Variants in SLIT1 observed in about 807,000 individuals in gnomAD.
The protein encoded by SLIT1 is slit guidance ligand 1.
Under a neutral mutation model 186.1 loss-of-function variants are expected in SLIT1, and 66 were observed. The observed-to-expected ratio is 0.35, with a 90% confidence interval of 0.29 to 0.44. The LOEUF is 0.44. Among genes scored for constraint, SLIT1 ranks in the 20% least tolerant of loss-of-function variants. The pLI, the probability that SLIT1 is intolerant of heterozygous loss-of-function variation, is 1.00. For missense variants in SLIT1, 1,638 were observed against 2,037.4 expected (o/e 0.80, Z 3.77); for synonymous variants, 761 against 833.8 (o/e 0.91, Z 1.50).
chr10:97,082,957 G>T (rs1849120479), intron 4 of SLIT1, among the ~76,000 whole-genome samples: 1 of 152,152 alleles, frequency 6.6e-6, no homozygotes, highest in Non-Finnish European at 1.5e-5. Context: ...CTGTCACCCA[G>T]GCTGGAGTCC....
Position 97,076,139 on chromosome 10 carries a change from C to T in SLIT1, c.414-10053G>A, listed in dbSNP as rs1488056709. The stretch of plus-strand genomic sequence containing the variant: ...CCCTTCCTGCATTTCTGCCAATTTG[C>T]ATGGAAGATGCCTGAGGGCACGGGT... On this transcript the variant is annotated intron_variant, in intron 4 of 36. Transcript: ENST00000266058. Among the ~76,000 whole-genome samples, 3 of 152,196 alleles carry T rather than the reference C, an allele frequency of 2.0e-5. No homozygotes were observed. In the East Asian group the frequency reaches 5.8e-4, roughly 29 times the overall value.
intron 4 of SLIT1, among the ~76,000 whole-genome samples, chr10:97,094,661 G>A (rs1278769817): frequency 1.3e-5 from 2 of 152,148 alleles, no homozygotes; most frequent in Admixed American, 6.5e-5. Flanking sequence ...GCAGCACTAG[G>A]ACCAGAAATT....
At chr10:97,132,117 C>T (rs1849660359) in intron 4 of SLIT1, among the ~76,000 whole-genome samples, 2 of 152,168 alleles carry the variant, frequency 1.3e-5, no homozygotes, top group Non-Finnish European at 2.9e-5. Flanking sequence ...TGCCCTGGAC[C>T]CCTGGGGTGT....
At chr10:97,067,702 G>A (rs748137821) in intron 4 of SLIT1, among the ~76,000 whole-genome samples, 1 of 152,102 alleles carries the variant, frequency 6.6e-6, no homozygotes, top group Non-Finnish European at 1.5e-5. Flanking sequence ...GGTTGGACCC[G>A]GGCTCCCTGC....
chr10:97,066,677 C>CA (rs1427295428), intron 4 of SLIT1, among the ~76,000 whole-genome samples: 1 of 152,180 alleles, frequency 6.6e-6, no homozygotes, highest in African/African-American at 2.4e-5. Flanking sequence ...TCCCTGAGGC[C>CA]TCCCCAGAAG....
intron 1 of SLIT1, among the ~76,000 whole-genome samples, chr10:97,166,557 A>AG: frequency 1.8e-5 from 1 of 55,192 alleles, no homozygotes; most frequent in East Asian, 7.0e-4. Flanking sequence ...GAAGGAAGGA[A>AG]AGAGAGAGAG....
At chr10:97,128,990 A>G (rs1344526878) in intron 4 of SLIT1, among the ~76,000 whole-genome samples, 1 of 152,134 alleles carries the variant, frequency 6.6e-6, no homozygotes, top group Non-Finnish European at 1.5e-5. Flanking sequence ...GTGGTAGAGG[A>G]GCAAATCCAA....
At chr10:97,120,834 T>A (rs1849554468) in intron 4 of SLIT1, among the ~76,000 whole-genome samples, 1 of 152,168 alleles carries the variant, frequency 6.6e-6, no homozygotes, top group Non-Finnish European at 1.5e-5. Flanking sequence ...TCTGACTCTC[T>A]CTCCCTACCC....
chr10:97,176,819 AC>A (rs752163437), intron 1 of SLIT1, among the ~76,000 whole-genome samples: 246 of 152,268 alleles, frequency 1.6e-3, no homozygotes, highest in Non-Finnish European at 3.0e-3. Context: ...ACGTGTAGCC[AC>A]TGCTCTCCAC....
At chr10:97,046,559 A>G (rs1161697373) in intron 18 of SLIT1, 95 bp downstream of exon 18, 1 of 1,290,932 alleles carries the variant, frequency 7.7e-7, no homozygotes, top group Non-Finnish European at 1.0e-6. Context: ...AGCTGGGCCC[A>G]GGGGAGGGGC....
chr10:97,001,729 A>G (rs1848311852), intron 36 of SLIT1, among the ~76,000 whole-genome samples: 1 of 152,124 alleles, frequency 6.6e-6, no homozygotes, highest in Non-Finnish European at 1.5e-5. Flanking sequence ...GGGTTTCTCC[A>G]GCTTCTCCCT....
At chr10:97,018,250 A>G (rs945420010) in intron 28 of SLIT1, among the ~76,000 whole-genome samples, 1 of 152,182 alleles carries the variant, frequency 6.6e-6, no homozygotes, top group Non-Finnish European at 1.5e-5. Flanking sequence ...AAAGGCCCCC[A>G]TGGCACCTGG....
At chr10:97,080,275 G>A (rs898364893) in intron 4 of SLIT1, among the ~76,000 whole-genome samples, 1 of 152,054 alleles carries the variant, frequency 6.6e-6, no homozygotes, top group Non-Finnish European at 1.5e-5. Context: ...TCTTTATAAA[G>A]GGATGATCAC....
At chr10:97,048,756 T>C (rs73320649) in intron 14 of SLIT1, among the ~76,000 whole-genome samples, 199 bp downstream of exon 14, 2,592 of 151,226 alleles carry the variant, frequency 0.017, 95 homozygotes, top group African/African-American at 0.06. Context: ...GGGAGGCAGG[T>C]AGGTGAACAG....
intron 22 of SLIT1, among the ~76,000 whole-genome samples, chr10:97,036,770 G>C (rs1848641915): frequency 6.6e-6 from 1 of 152,210 alleles, no homozygotes; most frequent in Non-Finnish European, 1.5e-5. Context: ...AGCAGATAAA[G>C]ACAATTGAAG....
At chr10:97,060,000 G>A in intron 10 of SLIT1, 87 bp downstream of exon 10, 2 of 1,168,560 alleles carry the variant, frequency 1.7e-6, no homozygotes, top group South Asian at 2.4e-5. Flanking sequence ...GGGGGGCTGA[G>A]TTAGGGCCTG....
intron 23 of SLIT1, among the ~76,000 whole-genome samples, chr10:97,033,879 T>G (rs1192729827): frequency 6.6e-6 from 1 of 150,942 alleles, no homozygotes; most frequent in Non-Finnish European, 1.5e-5. Flanking sequence ...TTTTTTTTTT[T>G]TCTGAGACAG....
chr10:97,059,530 C>A lies in SLIT1; in HGVS notation c.1015G>T (p.Asp339Tyr). ...FSPYRKLRRIDLSNNQIAEIA... is the reference protein window; with the variant it reads ...FSPYRKLRRIYLSNNQIAEIA... ...TCAGCGATCTGATTGTTGCTCAGGT[C>A]TCTGCAAGGTGAGCAGAAGGAGAGG... Residue 339 changes from aspartate (D) to tyrosine (Y), a missense_variant and splice_region_variant, in exon 11 of 37, where the codon GAC (aspartate) becomes TAC (tyrosine). By Grantham distance (160) the Asp-to-Tyr change is radical. Coordinates refer to ENST00000266058, the MANE Select transcript of SLIT1 (RefSeq NM_003061.3). 1 of 1,613,518 alleles carries A rather than the reference C, an allele frequency of 6.2e-7. No homozygotes were observed. Among genetic ancestry groups the A allele is most frequent in the South Asian group, 1.1e-5 (1 of 91,074 alleles).
chr10:97,165,470 G>A (rs950289557), intron 1 of SLIT1, among the ~76,000 whole-genome samples: 3 of 152,148 alleles, frequency 2.0e-5, no homozygotes, highest in Admixed American at 6.5e-5. Context: ...CGGGACTCAA[G>A]CTGAGGCCCA....
Sources: gnomAD v4.1 joint callset for allele counts (sites outside exome capture counted in the v4.1 genomes callset) on GRCh38, gnomAD v4.1.1 for gene constraint, MANE v1.5 for transcripts, NCBI Gene and HGNC (gene_info 2026-07-23, HGNC 2026-07-21) for gene names.